The following RSRC2 variants were observed in gnomAD, a reference collection of about 807,000 sequenced individuals.
The protein encoded by RSRC2 is arginine and serine rich coiled-coil 2.
A neutral mutation model predicts 61.3 loss-of-function variants in RSRC2; 5 were observed. The ratio of observed to expected loss-of-function variants is 0.08; its 90% CI spans 0.04 to 0.17. The LOEUF (loss-of-function observed/expected upper bound fraction) is 0.17, where lower values mean the gene tolerates loss of function less well. Ranked by LOEUF, RSRC2 falls within the 10% of genes least tolerant of loss-of-function variation. The pLI, the probability that RSRC2 is intolerant of heterozygous loss-of-function variation, is 1.00. For synonymous variants in RSRC2, 202 were observed against 166.5 expected (o/e 1.21, Z -1.64); for missense variants, 381 against 518.8 (o/e 0.73, Z 2.58).
intron 7 of RSRC2, among the ~76,000 whole-genome samples, chr12:122,509,317 G>A (rs1958323986): frequency 6.6e-6 from 1 of 151,702 alleles, no homozygotes; most frequent in African/African-American, 2.4e-5. Flanking sequence ...AGGCGTGGTG[G>A]CAGGCGCCTA....
At chr12:122,518,026 G>C (rs1959062962) in intron 4 of RSRC2, among the ~76,000 whole-genome samples, 1 of 152,208 alleles carries the variant, frequency 6.6e-6, no homozygotes. Context: ...GCTGGGCAGA[G>C]TGACTCACTC....
chr12:122,519,346 G>C (rs1959155250), intron 3 of RSRC2: 1 of 271,586 alleles, frequency 3.7e-6, no homozygotes, highest in South Asian at 5.0e-5. Context: ...AAAGAATACA[G>C]ACCATGTATA....
At chr12:122,509,595 T>C (rs1045546469) in intron 7 of RSRC2, among the ~76,000 whole-genome samples, 2 of 152,196 alleles carry the variant, frequency 1.3e-5, no homozygotes, top group Non-Finnish European at 2.9e-5. Flanking sequence ...TCTGATTACC[T>C]ATTTTTGTCA....
At chr12:122,515,685 A>T (rs536604715) in intron 5 of RSRC2, among the ~76,000 whole-genome samples, 11 of 152,208 alleles carry the variant, frequency 7.2e-5, no homozygotes, top group Non-Finnish European at 1.5e-4. Flanking sequence ...ATAAAAAGTT[A>T]TTAACCACTA....
chr12:122,507,719 T>TC (rs1016882342), intron 8 of RSRC2, among the ~76,000 whole-genome samples: 14 of 1,544 alleles, frequency 9.1e-3, no homozygotes, highest in Non-Finnish European at 0.037. Context: ...AGTGGCGTGA[T>TC]TTTTTTTTTT....
rs1469771670 is a variant in RSRC2 at position 122,503,820 on chromosome 12, AC to A, written c.*1706del. 6.6e-6 allele frequency: 1 copy of A among 152,106 alleles called. No homozygotes were observed. Among genetic ancestry groups the A allele is most frequent in the African/African-American group, 2.4e-5 (1 of 41,424 alleles). The allele number at this position is 152,106 out of a possible 1,614,324, so 9.4% of individuals were successfully genotyped here. On this transcript the variant is annotated 3_prime_UTR_variant, in exon 10 of 10. Coordinates refer to ENST00000331738, the MANE Select transcript of RSRC2 (RefSeq NM_023012.6). Reference sequence around the variant, plus strand: ...AATCTGGCTAGGTGAAGTGGATCACACCTGTAACCCCATCACTTTGGGAGCC... The same window carrying A: ...AATCTGGCTAGGTGAAGTGGATCACACTGTAACCCCATCACTTTGGGAGCC...
At chr12:122,509,345 G>A (rs1347034797) in intron 7 of RSRC2, among the ~76,000 whole-genome samples, 1 of 151,862 alleles carries the variant, frequency 6.6e-6, no homozygotes. Flanking sequence ...AGGTACTCAG[G>A]AGGCTGAGGC....
At chr12:122,509,203 C>T (rs544902324) in intron 7 of RSRC2, among the ~76,000 whole-genome samples, 1 of 152,050 alleles carries the variant, frequency 6.6e-6, no homozygotes, top group African/African-American at 2.4e-5. Context: ...AATCCCAGCA[C>T]TTTAGGAGGC....
chr12:122,515,224 A>G lies in RSRC2; in HGVS notation c.606T>C (p.Asp202=), dbSNP rs1347780152. The G allele has an allele frequency of 6.2e-7, 1 of 1,613,372 alleles. No individual in the cohort carries two copies. Among genetic ancestry groups the G allele is most frequent in the Non-Finnish European group, 8.5e-7 (1 of 1,179,736 alleles). The change falls in exon 6 of 10, where the codon GAT becomes GAC. Residue 202 remains aspartate, a synonymous_variant. Coordinates refer to ENST00000331738, the MANE Select transcript of RSRC2 (RefSeq NM_023012.6). The stretch of plus-strand genomic sequence containing the variant: ...TCGGCTTTTCAATTCTCTTCTTTCT[A>G]TCTCTGTAGTAAATCGTATTTCATA... ...SRSRTRSRSR[D]RKKRIEKPRR... is the part of the protein sequence containing the mutation.
intron 7 of RSRC2, among the ~76,000 whole-genome samples, chr12:122,509,172 G>C (rs1958313932): frequency 1.3e-5 from 2 of 151,826 alleles, no homozygotes; most frequent in South Asian, 4.2e-4. Context: ...GCTAAGGCTG[G>C]GCGCAGTGGC....
rs752134549 is a variant in RSRC2, at chr12:122,517,404, C to T, written c.425G>A (p.Arg142Gln). ...CCTACTCCTGGATCGAGACTTCTTC[C>T]GCTCCCTGCTTCTACTACGATGGCG... is the stretch of plus-strand genomic sequence containing the variant. ...ERRHRSRSRE[R>Q]KKSRSRSRER... Residue 142 changes from arginine (R) to glutamine (Q), a missense_variant, in exon 5 of 10, where the codon CGG (arginine) becomes CAG (glutamine). Arg to Gln is a conservative substitution (Grantham distance 43). Around this residue, in one of 4 missense-constraint regions of RSRC2, gnomAD observed 266 missense variants for 270.5 expected, o/e 0.98. Transcript: ENST00000331738. 9 of 1,613,990 alleles carry T rather than the reference C, an allele frequency of 5.6e-6. No homozygotes were observed. Among genetic ancestry groups the T allele is most frequent in the Non-Finnish European group, 5.9e-6 (7 of 1,180,030 alleles).
intron 9 of RSRC2, chr12:122,506,232 A>AAAAC (rs981074454): frequency 1.3e-5 from 2 of 152,488 alleles, no homozygotes; most frequent in Non-Finnish European, 2.9e-5. Context: ...CTAAAAACAA[A>AAAAC]AAACAAACAA....
At chr12:122,511,389 G>A (rs1322737541) in intron 6 of RSRC2, among the ~76,000 whole-genome samples, 1 of 152,134 alleles carries the variant, frequency 6.6e-6, no homozygotes, top group Non-Finnish European at 1.5e-5. Flanking sequence ...TACCACAACA[G>A]TGGTTTTAAA....
In RSRC2 at chr12:122,505,155, C is replaced by CTTTCATG; in HGVS notation, c.*365_*371dup. The stretch of plus-strand genomic sequence containing the variant: ...TCTAAAGAACATCTACATAACATTT[C>CTTTCATG]TTTCATGTTTCAAGAGATGAAAATA... On this transcript the variant is annotated 3_prime_UTR_variant, in exon 10 of 10. Coordinates refer to ENST00000331738, the MANE Select transcript of RSRC2 (RefSeq NM_023012.6). The CTTTCATG allele has an allele frequency of 6.1e-6, 1 of 164,310 alleles. No homozygotes were observed. The highest frequency in any genetic ancestry group is 2.0e-4 in the South Asian group (1 of 5,080). The allele number at this position is 164,310 out of a possible 1,614,324, so 10.2% of individuals were successfully genotyped here.
chr12:122,524,137 T>C (rs1337568490), intron 1 of RSRC2, among the ~76,000 whole-genome samples: 1 of 152,220 alleles, frequency 6.6e-6, no homozygotes, highest in African/African-American at 2.4e-5. Context: ...TCCAGCAACA[T>C]TAGCTGACTT....
Position 122,515,193 on chromosome 12 carries a change from A to G in RSRC2, c.637T>C (p.Phe213Leu). The change falls in exon 6 of 10, where the codon TTT (phenylalanine) becomes CTT (leucine). Residue 213 changes from phenylalanine (F) to leucine (L), a missense_variant. Phe to Leu is a conservative substitution (Grantham distance 22, BLOSUM62 0). Around this residue, in one of 4 missense-constraint regions of RSRC2, gnomAD observed 266 missense variants for 270.5 expected, o/e 0.98. Coordinates refer to ENST00000331738, the MANE Select transcript of RSRC2 (RefSeq NM_023012.6). ...GGAGTCCGGCTTAAACTTCTGCTAA[A>G]TCTTCTCGGCTTTTCAATTCTCTTC... ...RKKRIEKPRR[F>L]SRSLSRTPSP... 6.2e-7 allele frequency: 1 copy of G among 1,614,124 alleles called. No homozygotes were observed. Among genetic ancestry groups the G allele is most frequent in the South Asian group, 1.1e-5 (1 of 91,074 alleles).
chr12:122,515,315 CCAA>C, intron 5 of RSRC2, 88 bp from the exon 6 acceptor site: 2 of 1,296,140 alleles, frequency 1.5e-6, no homozygotes, highest in Non-Finnish European at 2.2e-6. Context: ...AACAAAAATC[CCAA>C]CGATACAAAA....
chr12:122,509,880 C>T (rs565320094), intron 7 of RSRC2, among the ~76,000 whole-genome samples: 55 of 152,012 alleles, frequency 3.6e-4, no homozygotes, highest in African/African-American at 1.3e-3. Flanking sequence ...ACTCTGTCAC[C>T]CAGGCTAGAG....
At chr12:122,522,093 CAT>C (rs1959284052) in intron 2 of RSRC2, 48 bp downstream of exon 2, 2 of 1,547,086 alleles carry the variant, frequency 1.3e-6, no homozygotes, top group African/African-American at 1.4e-5. Flanking sequence ...AACAGGTCTA[CAT>C]ATCTTATACA....
Sources: allele counts gnomAD v4.1 joint callset (sites outside exome capture counted in the v4.1 genomes callset), GRCh38; gene constraint gnomAD v4.1.1; regional missense constraint gnomAD v4.1.1; transcripts MANE v1.5; gene names NCBI Gene and HGNC (gene_info 2026-07-23, HGNC 2026-07-21).